Variants in ZNF184 observed in about 807,000 individuals in gnomAD.
The protein encoded by ZNF184 is zinc finger protein 184 (Kruppel-like).
ZNF184 carries 16 observed loss-of-function variants against 54.4 expected under a neutral mutation model. That is an observed-to-expected ratio of 0.29 (90% confidence interval 0.20 to 0.45). ZNF184 has a LOEUF of 0.45. ZNF184 is among the 20% of genes least tolerant of loss of function. The pLI, the probability that ZNF184 is intolerant of heterozygous loss-of-function variation, is 1.00. For synonymous variants in ZNF184, 254 were observed against 295.3 expected, an observed-to-expected ratio of 0.86 and a Z score of 1.43; for missense variants, 681 against 888.2, an observed-to-expected ratio of 0.77 and a Z score of 2.97.
the ZNF184 span, among the ~76,000 whole-genome samples, chr6:27,442,458 A>T: frequency 6.6e-6 from 1 of 151,996 alleles, no homozygotes; most frequent in Non-Finnish European, 1.5e-5. Context: ...TGTCTCTACA[A>T]AAAATAAAAA....
At chr6:27,442,575 C>CA in the ZNF184 span, among the ~76,000 whole-genome samples, 2 of 151,558 alleles carry the variant, frequency 1.3e-5, no homozygotes, top group Non-Finnish European at 2.9e-5. Flanking sequence ...CCAGCCTGGG[C>CA]AACAGAGCCA....
chr6:27,411,117 G>A, the ZNF184 span, among the ~76,000 whole-genome samples: 1 of 152,184 alleles, frequency 6.6e-6, no homozygotes, highest in African/African-American at 2.4e-5. Flanking sequence ...GTTGGTATTT[G>A]GAGAGGGCTT....
chr6:27,418,133 T>C, the ZNF184 span, among the ~76,000 whole-genome samples: 358 of 152,342 alleles, frequency 2.3e-3, no homozygotes, highest in Middle Eastern at 3.4e-3. Context: ...TCCAGTGAAA[T>C]AATTCATGGG....
chr6:27,453,402 G>C lies in ZNF184; in HGVS notation c.299-142C>G, dbSNP rs1187764153. ...AATATATAGCCATATTATTTGGGGA[G>C]AAAGTTGGAAGGAGCTAAGGAGAAT... On this transcript the variant is annotated intron_variant, in intron 5 of 5. Coordinates refer to ENST00000683788, the MANE Select transcript of ZNF184 (RefSeq NM_001318891.2). This position sits in a 1 kb window ranked among gnomAD's most constrained non-coding sequence, Gnocchi z 4.7. 1.2e-6 allele frequency: 1 copy of C among 856,548 alleles called. No homozygotes were observed. The highest frequency in any genetic ancestry group is 1.8e-5 in the African/African-American group (1 of 57,038). The allele number at this position is 856,548 out of a possible 1,614,324, so 53.1% of individuals were successfully genotyped here.
At chr6:27,418,863 A>G in the ZNF184 span, among the ~76,000 whole-genome samples, 1 of 152,046 alleles carries the variant, frequency 6.6e-6, no homozygotes, top group Non-Finnish European at 1.5e-5. Flanking sequence ...TGTAGTCATG[A>G]GTGTTTTCAA....
the ZNF184 span, among the ~76,000 whole-genome samples, chr6:27,425,653 C>A: frequency 6.6e-6 from 1 of 152,174 alleles, no homozygotes; most frequent in Non-Finnish European, 1.5e-5. Context: ...TGTATACCAG[C>A]ATTCCTCTTA....
chr6:27,433,606 C>G, the ZNF184 span, among the ~76,000 whole-genome samples: 2 of 152,212 alleles, frequency 1.3e-5, no homozygotes, highest in Non-Finnish European at 2.9e-5. Context: ...CCTTTTGTGT[C>G]TGGCTTATTT....
At chr6:27,426,095 AC>A in the ZNF184 span, among the ~76,000 whole-genome samples, 1 of 152,080 alleles carries the variant, frequency 6.6e-6, no homozygotes, top group African/African-American at 2.4e-5. This position sits in a 1 kb window ranked among gnomAD's most constrained non-coding sequence, Gnocchi z 4.2. Flanking sequence ...TCCCCTTGTC[AC>A]CATCACCTAT....
chr6:27,422,212 G>GAAAGAAAGA, the ZNF184 span, among the ~76,000 whole-genome samples: 79 of 111,984 alleles, frequency 7.1e-4, no homozygotes, highest in African/African-American at 2.1e-3. Flanking sequence ...AAGAAAGAAA[G>GAAAGAAAGA]AAAGAAAAGA....
At chr6:27,418,110 G>A in the ZNF184 span, among the ~76,000 whole-genome samples, 2 of 152,156 alleles carry the variant, frequency 1.3e-5, no homozygotes, top group Non-Finnish European at 2.9e-5. Context: ...AATGCTAATG[G>A]AGGCTGTATC....
At chr6:27,431,072 C>G in the ZNF184 span, among the ~76,000 whole-genome samples, 1 of 152,108 alleles carries the variant, frequency 6.6e-6, no homozygotes, top group African/African-American at 2.4e-5. Flanking sequence ...AACAAGAGGT[C>G]CCTGAAAATA....
chr6:27,452,061 T>G lies in ZNF184; in HGVS notation c.1498A>C (p.Lys500Gln). 1 of 1,614,038 alleles carries G rather than the reference T, an allele frequency of 6.2e-7. No homozygotes were observed. The highest frequency in any genetic ancestry group is 8.5e-7 in the Non-Finnish European group (1 of 1,180,018). Reference protein sequence around the residue: ...TQHRRIHTREKPFECSECGKA... With the variant: ...TQHRRIHTREQPFECSECGKA... ...CCACATTCACTGCATTCAAAGGGCT[T>G]TTCTCTCGTGTGAATTCTCCGATGT... Residue 500 changes from lysine (K) to glutamine (Q), a missense_variant, in exon 6 of 6, where the codon AAG (lysine) becomes CAG (glutamine). Transcript: ENST00000683788. The surrounding 1 kb of genome is among the most constrained non-coding windows in gnomAD (Gnocchi z 5.5).
Position 27,452,460 on chromosome 6 carries a change from A to C in ZNF184, c.1099T>G (p.Cys367Gly). Reference sequence around the variant, plus strand: ...GTGCTCCTGGTGAAGGTTTTATCACATTCATCACATTTAAAAGGTTTTTCT... The same window carrying C: ...GTGCTCCTGGTGAAGGTTTTATCACCTTCATCACATTTAAAAGGTTTTTCT... ...TGEKPFKCDE[C>G]DKTFTRSTHL... The change falls in exon 6 of 6, where the codon TGT becomes GGT. Residue 367 changes from cysteine to glycine, a missense_variant. By Grantham distance (159) the Cys-to-Gly change is radical. Transcript: ENST00000683788. This position sits in a 1 kb window ranked among gnomAD's most constrained non-coding sequence, Gnocchi z 5.5. 1 of 1,614,102 alleles carries C rather than the reference A, an allele frequency of 6.2e-7. No homozygotes were observed. The highest frequency in any genetic ancestry group is 8.5e-7 in the Non-Finnish European group (1 of 1,180,014).
rs572717095 is a variant in ZNF184 at position 27,452,132 on chromosome 6, C to A, written c.1427G>T (p.Cys476Phe). ...ACTGAAGGCCTTTCCACATTCATTG[C>A]ATTTGTAAGGTTTTTCTCCAGTATG... ...KIHTGEKPYK[C>F]NECGKAFSYC... The change falls in exon 6 of 6, where the codon TGC becomes TTC. Residue 476 changes from cysteine (C) to phenylalanine (F), a missense_variant. Transcript: ENST00000683788. This position sits in a 1 kb window ranked among gnomAD's most constrained non-coding sequence, Gnocchi z 5.5. The A allele has an allele frequency of 6.2e-7, 1 of 1,614,034 alleles. No homozygotes were observed. The highest frequency in any genetic ancestry group is 1.7e-5 in the Admixed American group (1 of 60,022).
At position 27,451,347 on chromosome 6, in the gene ZNF184, G is replaced by A. The variant is rs745718517; in HGVS notation, c.2212C>T (p.Arg738Cys). The A allele has an allele frequency of 1.5e-5, 24 of 1,613,410 alleles. No homozygotes were observed. The highest frequency in any genetic ancestry group is 8.3e-5 in the Admixed American group (5 of 59,942). ...CNDCGKSFRY[R>C]SALNKHQRLH... Reference sequence around the variant, plus strand: ...CTCTGATGTTTGTTGAGAGCAGAGCGATATCTGAAGGATTTTCCACAATCA... The same window carrying A: ...CTCTGATGTTTGTTGAGAGCAGAGCAATATCTGAAGGATTTTCCACAATCA... Residue 738 changes from arginine to cysteine, a missense_variant, in exon 6 of 6, where the codon CGC becomes TGC. By Grantham distance (180) the Arg-to-Cys change is radical (BLOSUM62 -3). Coordinates refer to ENST00000683788, the MANE Select transcript of ZNF184 (RefSeq NM_001318891.2).
chr6:27,466,071 G>A (rs1395050007), intron 3 of ZNF184, among the ~76,000 whole-genome samples: 2 of 152,090 alleles, frequency 1.3e-5, no homozygotes, highest in Non-Finnish European at 2.9e-5. Flanking sequence ...AATCACAAGG[G>A]TCTTTATAAG....
In ZNF184 at chr6:27,457,365, T is replaced by G; in HGVS notation, c.120A>C (p.Glu40Asp). The G allele has an allele frequency of 6.2e-7, 1 of 1,614,100 alleles. No homozygotes were observed. The highest frequency in any genetic ancestry group is 8.5e-7 in the Non-Finnish European group (1 of 1,180,000). The stretch of plus-strand genomic sequence containing the variant: ...GGCCAGGGTCCAGCTGTTTCCATTC[T>G]TCCTGGGTAAAGTCCACTATCACAT... ...FKDVIVDFTQEEWKQLDPGQR... is the reference protein window; with the variant it reads ...FKDVIVDFTQDEWKQLDPGQR... The change falls in exon 4 of 6, where the codon GAA (glutamate) becomes GAC (aspartate). Residue 40 changes from glutamate (E) to aspartate (D), a missense_variant. Transcript: ENST00000683788.
At chr6:27,461,796 T>G (rs1453773799) in intron 3 of ZNF184, among the ~76,000 whole-genome samples, 1 of 152,102 alleles carries the variant, frequency 6.6e-6, no homozygotes, top group East Asian at 1.9e-4. Context: ...GCTGAGAGTT[T>G]GGGAAAATCA....
At chr6:27,435,469 C>A in the ZNF184 span, among the ~76,000 whole-genome samples, 1 of 152,082 alleles carries the variant, frequency 6.6e-6, no homozygotes, top group Non-Finnish European at 1.5e-5. Flanking sequence ...AGCAATGCAA[C>A]TAATTTTTGT....
Sources: gnomAD v4.1 joint callset for allele counts (sites outside exome capture counted in the v4.1 genomes callset) on GRCh38, gnomAD v4.1.1 for gene constraint, Gnocchi (gnomAD v3.1) non-coding constraint, MANE v1.5 for transcripts, NCBI Gene and HGNC (gene_info 2026-07-23, HGNC 2026-07-21) for gene names.